The following MEI4 variants were observed in gnomAD, a reference collection of about 807,000 sequenced individuals.
MEI4 encodes the protein meiosis-specific protein MEI4.
A neutral mutation model predicts 31.4 loss-of-function variants in MEI4; 27 were observed. That is an observed-to-expected ratio of 0.86 (90% CI 0.63 to 1.19). The LOEUF is 1.19. Among genes scored for constraint, MEI4 ranks in the 50% most tolerant of loss-of-function variants. The pLI, the probability that MEI4 is intolerant of heterozygous loss-of-function variation, is 0.00. For missense variants in MEI4, 329 were observed against 398.9 expected, an observed-to-expected ratio of 0.82 and a Z score of 1.49; for synonymous variants, 122 against 145.4, an observed-to-expected ratio of 0.84 and a Z score of 1.16.
At chr6:77,790,162 C>G (rs1245614788) in intron 3 of MEI4, among the ~76,000 whole-genome samples, 1 of 148,760 alleles carries the variant, frequency 6.7e-6, no homozygotes, top group Non-Finnish European at 1.5e-5. Context: ...AGTACAAAAG[C>G]AAACACCGCA....
chr6:77,830,107 G>T (rs1046317454), intron 4 of MEI4, among the ~76,000 whole-genome samples: 1 of 152,028 alleles, frequency 6.6e-6, no homozygotes, highest in Non-Finnish European at 1.5e-5. Context: ...GGAGTTCCAA[G>T]ATCAAGGAAT....
intron 4 of MEI4, among the ~76,000 whole-genome samples, chr6:77,882,695 G>T (rs1771518081): frequency 6.6e-6 from 1 of 152,070 alleles, no homozygotes; most frequent in Admixed American, 6.6e-5. Context: ...GAAGGGTTTT[G>T]TGGAAGCCTT....
At chr6:77,910,974 T>C (rs1377709868) in intron 4 of MEI4, among the ~76,000 whole-genome samples, 1 of 150,252 alleles carries the variant, frequency 6.7e-6, no homozygotes, top group Non-Finnish European at 1.5e-5. Context: ...CTAACTGGAA[T>C]GAGACGGATC....
chr6:77,730,163 G>A (rs778077031), intron 2 of MEI4, among the ~76,000 whole-genome samples: 1 of 152,118 alleles, frequency 6.6e-6, no homozygotes, highest in Non-Finnish European at 1.5e-5. Context: ...AGAGAGCTGT[G>A]TGTTTGGCGT....
intron 2 of MEI4, among the ~76,000 whole-genome samples, chr6:77,760,677 T>C (rs1015606748): frequency 2.0e-5 from 3 of 152,184 alleles, no homozygotes; most frequent in African/African-American, 7.2e-5. Context: ...AGTTCCATCA[T>C]GACCTCTTCC....
intron 2 of MEI4, among the ~76,000 whole-genome samples, chr6:77,747,406 AG>A (rs1439485020): frequency 1.3e-5 from 2 of 152,198 alleles, no homozygotes; most frequent in Non-Finnish European, 2.9e-5. Flanking sequence ...CCAAATGGCT[AG>A]GGAGCCCTCA....
intron 2 of MEI4, among the ~76,000 whole-genome samples, chr6:77,730,686 T>A (rs908513270): frequency 2.6e-5 from 4 of 152,048 alleles, no homozygotes; most frequent in African/African-American, 9.7e-5. Flanking sequence ...TGCAAGTTAG[T>A]TACATATGTA....
chr6:77,812,716 T>C (rs1174369248), intron 3 of MEI4, among the ~76,000 whole-genome samples: 2 of 152,136 alleles, frequency 1.3e-5, no homozygotes, highest in African/African-American at 4.8e-5. Flanking sequence ...TTGTGTTTCA[T>C]AGTCTGTGGA....
Position 77,926,127 on chromosome 6 carries a change from C to T in MEI4, c.*2781C>T, listed in dbSNP as rs1766838973. The T allele has an allele frequency of 6.6e-6, 1 of 151,952 alleles. No individual in the cohort carries two copies. Among genetic ancestry groups the T allele is most frequent in the South Asian group, 2.1e-4 (1 of 4,830 alleles). The allele number at this position is 151,952 out of a possible 1,614,324, so 9.4% of individuals were successfully genotyped here. A position where few individuals can be genotyped will look rare whatever the true frequency, so the allele number is the denominator to read the frequency against. On this transcript the variant is annotated 3_prime_UTR_variant, in exon 5 of 5. Coordinates refer to ENST00000684080, the MANE Select transcript of MEI4 (RefSeq NM_001322247.2). ...GTTATGTGCAGCTCTCCTGGCACTT[C>T]AGTAAACTTTCACAAACACAGCTTC...
intron 4 of MEI4, among the ~76,000 whole-genome samples, chr6:77,854,562 G>GA (rs1432516221): frequency 5.9e-5 from 9 of 151,590 alleles, no homozygotes; most frequent in Non-Finnish European, 1.2e-4. Flanking sequence ...TAAGAAGGAG[G>GA]AAAAAAATGT....
intron 3 of MEI4, among the ~76,000 whole-genome samples, chr6:77,804,701 G>A (rs1366927960): frequency 6.6e-6 from 1 of 152,026 alleles, no homozygotes; most frequent in African/African-American, 2.4e-5. Flanking sequence ...TGATATCCAG[G>A]ATCTTTCCCA....
At chr6:77,698,736 A>G (rs1562210993) in intron 2 of MEI4, among the ~76,000 whole-genome samples, 1 of 152,044 alleles carries the variant, frequency 6.6e-6, no homozygotes, top group South Asian at 2.1e-4. Context: ...GAATCTGACA[A>G]TTATGTGTCT....
At chr6:77,796,315 G>T (rs2127698125) in intron 3 of MEI4, among the ~76,000 whole-genome samples, 1 of 152,172 alleles carries the variant, frequency 6.6e-6, no homozygotes, top group African/African-American at 2.4e-5. Context: ...ACAGAACAGG[G>T]TGCCCACTCA....
At chr6:77,709,842 C>G (rs1412641886) in intron 2 of MEI4, among the ~76,000 whole-genome samples, 2 of 152,102 alleles carry the variant, frequency 1.3e-5, no homozygotes, top group African/African-American at 2.4e-5. Context: ...TTACTTCTAC[C>G]TGTGTATTTT....
At chr6:77,657,104 T>G (rs956710385) in intron 1 of MEI4, among the ~76,000 whole-genome samples, 1 of 152,168 alleles carries the variant, frequency 6.6e-6, no homozygotes, top group African/African-American at 2.4e-5. Flanking sequence ...ATTCCCAGTT[T>G]CTCATCTTTT....
chr6:77,666,255 T>C (rs1768630812), intron 1 of MEI4, among the ~76,000 whole-genome samples: 1 of 152,032 alleles, frequency 6.6e-6, no homozygotes. Flanking sequence ...TGGGGGAGAT[T>C]ACAAAGTACA....
In MEI4 at chr6:77,923,927, G is replaced by T. The variant is rs1267515020; in HGVS notation, c.*581G>T. On this transcript the variant is annotated 3_prime_UTR_variant, in exon 5 of 5. Transcript: ENST00000684080. ...TCAATTTCATATGGCTAATACATTT[G>T]TCGAGCTCTTTTGAAAATACTATTA... 1 of 140,714 alleles carries T rather than the reference G, an allele frequency of 7.1e-6. No homozygotes were observed. The highest frequency in any genetic ancestry group is 1.5e-5 in the Non-Finnish European group (1 of 65,412). The allele number at this position is 140,714 out of a possible 1,614,324, so 8.7% of individuals were successfully genotyped here. A position where few individuals can be genotyped will look rare whatever the true frequency, so the allele number is the denominator to read the frequency against.
chr6:77,843,502 G>C (rs1023613393), intron 4 of MEI4, among the ~76,000 whole-genome samples: 2 of 150,570 alleles, frequency 1.3e-5, no homozygotes, highest in Admixed American at 6.6e-5. Context: ...AACCAACCAA[G>C]GGGAAAGATG....
At chr6:77,733,335 T>G (rs1339712108) in intron 2 of MEI4, among the ~76,000 whole-genome samples, 1 of 152,082 alleles carries the variant, frequency 6.6e-6, no homozygotes, top group East Asian at 1.9e-4. Context: ...GAGATTCAAC[T>G]TCTTCCTGGT....
Sources: allele counts gnomAD v4.1 joint callset (sites outside exome capture counted in the v4.1 genomes callset), GRCh38; gene constraint gnomAD v4.1.1; transcripts MANE v1.5; gene names NCBI Gene and HGNC (gene_info 2026-07-23, HGNC 2026-07-21).